ATXN1: variants seen among roughly 807,000 people sequenced by gnomAD.
ATXN1 encodes the protein ataxin 1.
Under a neutral mutation model 56.4 loss-of-function variants are expected in ATXN1, and 8 were observed. That is an observed-to-expected ratio of 0.14 (90% CI 0.08 to 0.26). ATXN1 has a LOEUF of 0.26. ATXN1 is among the 10% of genes least tolerant of loss of function. ATXN1 has a pLI of 1.00. For synonymous variants in ATXN1, 514 were observed against 494.6 expected (o/e 1.04, Z -0.52); for missense variants, 987 against 1,106.5 (o/e 0.89, Z 1.53).
intron 4 of ATXN1, among the ~76,000 whole-genome samples, chr6:16,526,041 CTATATATATATA>C (rs71769107): frequency 7.9e-6 from 1 of 127,144 alleles, no homozygotes; most frequent in Non-Finnish European, 1.6e-5. Context: ...AGAAATAAAT[CTATATATATATA>C]TATATATATA....
At chr6:16,479,309 CT>C (rs965553649) in intron 6 of ATXN1, among the ~76,000 whole-genome samples, 1 of 152,124 alleles carries the variant, frequency 6.6e-6, no homozygotes, top group African/African-American at 2.4e-5. Context: ...TCAAAAATGA[CT>C]TTTTCTGAAT....
intron 4 of ATXN1, among the ~76,000 whole-genome samples, chr6:16,527,286 G>T (rs545426511): frequency 1.3e-5 from 2 of 152,018 alleles, no homozygotes; most frequent in African/African-American, 4.8e-5. Context: ...GCATATCCCC[G>T]CAATGGGCAG....
chr6:16,703,015 T>C (rs1442373951), intron 2 of ATXN1, among the ~76,000 whole-genome samples: 1 of 151,982 alleles, frequency 6.6e-6, no homozygotes, highest in Non-Finnish European at 1.5e-5. Context: ...CATGCTGCTA[T>C]AAAGACACAT....
At chr6:16,412,909 T>C (rs1040717143) in intron 6 of ATXN1, among the ~76,000 whole-genome samples, 6 of 152,202 alleles carry the variant, frequency 3.9e-5, no homozygotes, top group African/African-American at 9.7e-5. Context: ...GTGGGGGCTG[T>C]TGTCTCTCTT....
intron 3 of ATXN1, among the ~76,000 whole-genome samples, chr6:16,636,554 C>T (rs865844323): frequency 3.2e-4 from 48 of 152,302 alleles, no homozygotes; most frequent in Middle Eastern, 3.4e-3. Context: ...GCACCTTCTG[C>T]CCATGACAAC....
chr6:16,486,887 C>T (rs904298915), intron 5 of ATXN1, among the ~76,000 whole-genome samples: 3 of 151,686 alleles, frequency 2.0e-5, no homozygotes, highest in African/African-American at 4.8e-5. Flanking sequence ...CTGCCATTTC[C>T]GCCCACCGAA....
intron 6 of ATXN1, among the ~76,000 whole-genome samples, chr6:16,457,436 C>G (rs1234919782): frequency 6.6e-6 from 1 of 151,648 alleles, no homozygotes. Flanking sequence ...GGGAAACACC[C>G]AGGCATCAAC....
chr6:16,582,879 C>T (rs914319038), intron 4 of ATXN1, among the ~76,000 whole-genome samples: 1 of 152,162 alleles, frequency 6.6e-6, no homozygotes, highest in Non-Finnish European at 1.5e-5. Context: ...CCAAATGTTC[C>T]ATATGGTAGT....
At chr6:16,456,801 C>T (rs558334476) in intron 6 of ATXN1, among the ~76,000 whole-genome samples, 1 of 152,290 alleles carries the variant, frequency 6.6e-6, no homozygotes, top group African/African-American at 2.4e-5. Flanking sequence ...AATTTCAGGA[C>T]TCTGCTCCCT....
intron 4 of ATXN1, among the ~76,000 whole-genome samples, chr6:16,535,313 CTAGT>C (rs1761575541): frequency 2.0e-5 from 3 of 152,184 alleles, no homozygotes; most frequent in African/African-American, 7.2e-5. Flanking sequence ...ATGGCTGATT[CTAGT>C]ACTGTGACAG....
rs59737568 is a variant in ATXN1, at chr6:16,547,604, T to C, written c.-360-24916A>G. On this transcript the variant is annotated intron_variant, in intron 4 of 7. Transcript: ENST00000436367. ...GGAGGCTAGAAATCCGAGATCAAGG[T>C]GTCTGCAGGGCTGGTTCCTTCCAGG... Among the ~76,000 whole-genome samples the C allele has an allele frequency of 4.2e-3, 640 of 152,114 alleles. 3 individuals carry two copies. Among genetic ancestry groups the C allele is most frequent in the African/African-American group, 0.015 (623 of 41,466 alleles).
At chr6:16,720,220 C>T (rs985651542) in intron 2 of ATXN1, among the ~76,000 whole-genome samples, 1 of 152,158 alleles carries the variant, frequency 6.6e-6, no homozygotes, top group Non-Finnish European at 1.5e-5. Context: ...AAAAGCCCAT[C>T]CCCTAAGACT....
chr6:16,563,476 G>A (rs565523134), intron 4 of ATXN1, among the ~76,000 whole-genome samples: 2 of 152,202 alleles, frequency 1.3e-5, no homozygotes, highest in African/African-American at 2.4e-5. Flanking sequence ...GCAGGAATAC[G>A]GAGCCTGAAG....
At chr6:16,432,713 C>CTTTTTTTTT (rs538208868) in intron 6 of ATXN1, 17 of 143,832 alleles carry the variant, frequency 1.2e-4, no homozygotes, top group African/African-American at 3.6e-4. Flanking sequence ...TCTTCTTCTT[C>CTTTTTTTTT]TTTTTTTTTT....
chr6:16,538,360 T>C (rs984733855), intron 4 of ATXN1, among the ~76,000 whole-genome samples: 1 of 152,236 alleles, frequency 6.6e-6, no homozygotes, highest in African/African-American at 2.4e-5. Flanking sequence ...TTGCTTTTAT[T>C]GACCAACATA....
In ATXN1 at chr6:16,679,276, G is replaced by GTGGATGGATGGA. The variant is rs10701438; in HGVS notation, c.-614-21387_-614-21376dup. The stretch of plus-strand genomic sequence containing the variant: ...GATGGATGGATGGATGAGTTAGTGG[G>GTGGATGGATGGA]TGGATGGATGGATGGATGGATGGAT... On this transcript the variant is annotated intron_variant, in intron 2 of 7. Transcript: ENST00000436367. 5.9e-3 allele frequency among the ~76,000 whole-genome samples: 822 copies of GTGGATGGATGGA among 138,296 alleles called. 31 individuals are homozygous for GTGGATGGATGGA. Among genetic ancestry groups the GTGGATGGATGGA allele is most frequent in the African/African-American group, 0.018 (653 of 35,534 alleles). 90.7% of individuals were successfully genotyped at this position (138,296 alleles called of 152,430 possible).
chr6:16,561,657 A>G (rs1762120506), intron 4 of ATXN1, among the ~76,000 whole-genome samples: 1 of 152,266 alleles, frequency 6.6e-6, no homozygotes, highest in South Asian at 2.1e-4. Context: ...GACCAAAAAA[A>G]AGATAACTTC....
At chr6:16,332,894 C>A (rs1489801989) in intron 6 of ATXN1, among the ~76,000 whole-genome samples, 2 of 152,220 alleles carry the variant, frequency 1.3e-5, no homozygotes, top group Non-Finnish European at 2.9e-5. Flanking sequence ...GCTGGAAATG[C>A]AGACTCTCAG....
chr6:16,464,684 G>C (rs756743506), intron 6 of ATXN1, among the ~76,000 whole-genome samples: 4 of 151,142 alleles, frequency 2.6e-5, no homozygotes, highest in African/African-American at 4.9e-5. Context: ...AATGTGAAAA[G>C]GGTACATACT....
Sources: allele counts gnomAD v4.1 joint callset (sites outside exome capture counted in the v4.1 genomes callset), GRCh38; gene constraint gnomAD v4.1.1; transcripts MANE v1.5; gene names NCBI Gene and HGNC (gene_info 2026-07-23, HGNC 2026-07-21).